ASTN2: variants seen among roughly 807,000 people sequenced by gnomAD.
ASTN2 encodes the protein astrotactin 2.
ASTN2 carries 54 observed loss-of-function variants against 139.8 expected under a neutral mutation model. That is an observed-to-expected ratio of 0.39 (90% CI 0.31 to 0.48). ASTN2 has a LOEUF of 0.48. ASTN2 is among the 20% of genes least tolerant of loss of function. ASTN2 has a pLI of 0.95. For missense variants in ASTN2, 1,565 were observed against 1,725.1 expected (o/e 0.91, Z 1.64); for synonymous variants, 756 against 719.5 (o/e 1.05, Z -0.81).
At chr9:117,202,201 C>T (rs996033151) in intron 3 of ASTN2, among the ~76,000 whole-genome samples, 2 of 152,038 alleles carry the variant, frequency 1.3e-5, no homozygotes, top group African/African-American at 4.8e-5. Context: ...GGTAAATCTT[C>T]CTCCATCCCT....
intron 2 of ASTN2, among the ~76,000 whole-genome samples, chr9:117,257,638 A>C (rs1833722580): frequency 6.6e-6 from 1 of 152,166 alleles, no homozygotes; most frequent in African/African-American, 2.4e-5. Flanking sequence ...ACCACAGAAA[A>C]TTTTGGCTTT....
chr9:116,697,713 G>A (rs1485324411), intron 16 of ASTN2: 1 of 1,612,932 alleles, frequency 6.2e-7, no homozygotes, highest in African/African-American at 1.3e-5. Flanking sequence ...GTTCTGAGCT[G>A]TGCTAGCAAT....
chr9:116,720,369 C>T (rs1028066894), intron 16 of ASTN2, among the ~76,000 whole-genome samples: 1 of 152,206 alleles, frequency 6.6e-6, no homozygotes, highest in African/African-American at 2.4e-5. Flanking sequence ...AACTCAGGAG[C>T]AGTGCAAACT....
At chr9:116,634,157 T>C (rs1235589694) in intron 17 of ASTN2, among the ~76,000 whole-genome samples, 1 of 152,166 alleles carries the variant, frequency 6.6e-6, no homozygotes, top group Non-Finnish European at 1.5e-5. Context: ...TCTACCTCAA[T>C]TAGAAATGTA....
intron 5 of ASTN2, among the ~76,000 whole-genome samples, chr9:117,070,082 TTGA>T (rs1828071883): frequency 6.7e-6 from 1 of 148,344 alleles, no homozygotes; most frequent in African/African-American, 2.5e-5. Context: ...TGCTCGTTAG[TTGA>T]TGCAGTTTCT....
chr9:116,645,121 T>C (rs911319890), intron 17 of ASTN2, among the ~76,000 whole-genome samples: 2 of 152,156 alleles, frequency 1.3e-5, no homozygotes, highest in African/African-American at 4.8e-5. Context: ...AGACAGTAAA[T>C]GGCAGAGAAG....
chr9:116,485,053 G>T (rs1478437597), intron 20 of ASTN2, among the ~76,000 whole-genome samples: 1 of 152,220 alleles, frequency 6.6e-6, no homozygotes, highest in Non-Finnish European at 1.5e-5. Context: ...TTCCCTGTTA[G>T]ATGCTGTATC....
intron 3 of ASTN2, among the ~76,000 whole-genome samples, chr9:117,153,871 CAT>C (rs1435568362): frequency 1.2e-4 from 19 of 152,196 alleles, no homozygotes; most frequent in African/African-American, 3.4e-4. Flanking sequence ...TGAATGAACA[CAT>C]GTTTCCAGGC....
At chr9:116,490,268 AAAGT>A (rs1002888933) in intron 19 of ASTN2, among the ~76,000 whole-genome samples, 5 of 128,558 alleles carry the variant, frequency 3.9e-5, no homozygotes, top group African/African-American at 1.4e-4. Context: ...TATGTGATAA[AAAGT>A]AAAAAAAAAA....
At chr9:116,468,788 T>A (rs1004833409) in intron 20 of ASTN2, among the ~76,000 whole-genome samples, 4 of 152,232 alleles carry the variant, frequency 2.6e-5, no homozygotes, top group African/African-American at 9.6e-5. Context: ...TAGTCCCTTA[T>A]GATTTGAGCT....
intron 16 of ASTN2, among the ~76,000 whole-genome samples, chr9:116,653,668 G>A (rs1858050999): frequency 6.6e-6 from 1 of 152,220 alleles, no homozygotes; most frequent in Admixed American, 6.5e-5. Context: ...ATGTCGGGGA[G>A]AAAAAGGAGA....
At chr9:116,576,859 C>T (rs117262047) in intron 19 of ASTN2, among the ~76,000 whole-genome samples, 10 of 152,284 alleles carry the variant, frequency 6.6e-5, no homozygotes, top group Non-Finnish European at 1.0e-4. Context: ...CATCAGAAAG[C>T]TCATCCCACC....
intron 11 of ASTN2, among the ~76,000 whole-genome samples, chr9:116,847,298 T>C (rs1370155301): frequency 1.1e-4 from 16 of 152,096 alleles, no homozygotes; most frequent in Non-Finnish European, 1.9e-4. Context: ...GTATTTTTAG[T>C]AGAGACGGCG....
intron 2 of ASTN2, among the ~76,000 whole-genome samples, chr9:117,245,898 T>C (rs1344742850): frequency 6.6e-6 from 1 of 152,164 alleles, no homozygotes; most frequent in Non-Finnish European, 1.5e-5. Flanking sequence ...TGCCTAGGTC[T>C]CTGGGCTACA....
At chr9:117,128,814 C>T (rs1056317022) in intron 4 of ASTN2, among the ~76,000 whole-genome samples, 11 of 152,102 alleles carry the variant, frequency 7.2e-5, no homozygotes, top group African/African-American at 2.4e-4. Context: ...ACAATCATGG[C>T]GGAAGGCAAG....
intron 1 of ASTN2, among the ~76,000 whole-genome samples, chr9:117,380,479 C>T (rs752089408): frequency 1.4e-4 from 21 of 151,986 alleles, no homozygotes; most frequent in Non-Finnish European, 2.2e-4. Context: ...GTGTTGTGCG[C>T]CTGCAGTCCC....
chr9:116,872,022 T>C (rs1833179939), intron 10 of ASTN2, among the ~76,000 whole-genome samples: 1 of 152,178 alleles, frequency 6.6e-6, no homozygotes. Context: ...TGGAGTGCAG[T>C]GGCGCGATCT....
At chr9:116,727,066 C>A (rs899110498) in intron 15 of ASTN2, among the ~76,000 whole-genome samples, 3 of 151,080 alleles carry the variant, frequency 2.0e-5, no homozygotes, top group African/African-American at 4.9e-5. Context: ...CTGAAATGGC[C>A]TCCCTATGTC....
intron 6 of ASTN2, among the ~76,000 whole-genome samples, chr9:117,010,688 GAC>G (rs33965170): frequency 0.45 from 69,078 of 151,898 alleles, 18,627 homozygotes; most frequent in East Asian, 0.73. Context: ...CTCAGAGGCA[GAC>G]ACAGGCATTC....
Sources: allele counts gnomAD v4.1 joint callset (sites outside exome capture counted in the v4.1 genomes callset), GRCh38; gene constraint gnomAD v4.1.1; transcripts MANE v1.5; gene names NCBI Gene and HGNC (gene_info 2026-07-23, HGNC 2026-07-21).